Variants in HCN4 observed in about 807,000 individuals in gnomAD.
HCN4 encodes potassium/sodium hyperpolarization-activated cyclic nucleotide-gated channel 4.
In HCN4, 29 loss-of-function variants were observed where a neutral mutation model predicts 76.9. The ratio of observed to expected loss-of-function variants is 0.38; its 90% CI spans 0.28 to 0.51. HCN4 has a LOEUF of 0.51. Ranked by LOEUF, HCN4 falls within the 20% of genes least tolerant of loss-of-function variation. HCN4 has a pLI of 0.90. For missense variants in HCN4, 1,416 were observed against 1,715.2 expected (o/e 0.83, Z 3.08); for synonymous variants, 772 against 762.5 (o/e 1.01, Z -0.21).
At chr15:73,345,118 C>T (rs1463740500) in intron 1 of HCN4, among the ~76,000 whole-genome samples, 1 of 152,168 alleles carries the variant, frequency 6.6e-6, no homozygotes, top group East Asian at 1.9e-4. Context: ...TTCAGAGGGT[C>T]TCACTGTAAA....
At chr15:73,355,808 G>T (rs1235353732) in intron 1 of HCN4, among the ~76,000 whole-genome samples, 1 of 152,094 alleles carries the variant, frequency 6.6e-6, no homozygotes, top group East Asian at 1.9e-4. Flanking sequence ...GGGGACATCT[G>T]CTTCACAGTG....
At position 73,322,899 on chromosome 15, in the gene HCN4, A is replaced by G. The variant is rs2042870582; in HGVS notation, c.3194T>C (p.Val1065Ala). The change falls in exon 8 of 8, where the codon GTC (valine) becomes GCC (alanine). Residue 1065 changes from valine (V) to alanine (A), a missense_variant. By Grantham distance (64) the Val-to-Ala change is moderately conservative. Around this residue, in one of 6 missense-constraint regions of HCN4, gnomAD observed 633 missense variants for 579.8 expected, o/e 1.09. Transcript: ENST00000261917. ...PPASSPPPPQVPQRRGTPPLT... is the reference protein window; with the variant it reads ...PPASSPPPPQAPQRRGTPPLT... ...CGGGGGTGTGCCCCGGCGCTGGGGG[A>G]CCTGGGGTGGTGGGGGGCTGGATGC... 7.1e-7 allele frequency: 1 copy of G among 1,403,626 alleles called. No individual in the cohort carries two copies. Among genetic ancestry groups the G allele is most frequent in the Non-Finnish European group, 9.4e-7 (1 of 1,065,824 alleles). 86.9% of individuals were successfully genotyped at this position (1,403,626 alleles called of 1,614,324 possible). A position where few individuals can be genotyped will look rare whatever the true frequency, so the allele number is the denominator to read the frequency against.
At chr15:73,337,338 G>T (rs2042972782) in intron 2 of HCN4, among the ~76,000 whole-genome samples, 1 of 152,186 alleles carries the variant, frequency 6.6e-6, no homozygotes, top group African/African-American at 2.4e-5. Flanking sequence ...GCACAAGCAG[G>T]CATCAAAAAT....
chr15:73,368,491 C>A lies in HCN4; in HGVS notation c.-221G>T. 2.9e-6 allele frequency: 1 copy of A among 346,674 alleles called. No individual in the cohort carries two copies. The highest frequency in any genetic ancestry group is 5.2e-6 in the Non-Finnish European group (1 of 193,756). The allele number at this position is 346,674 out of a possible 1,614,324, so 21.5% of individuals were successfully genotyped here. ...TCGCCGCGCTACACCTCCTCCCGGG[C>A]CCGGCTGGGCGCGGGGACCCCGCGC... On this transcript the variant is annotated 5_prime_UTR_variant, in exon 1 of 8. Coordinates refer to ENST00000261917, the MANE Select transcript of HCN4 (RefSeq NM_005477.3). The surrounding 1 kb of genome is among the most constrained non-coding windows in gnomAD (Gnocchi z 6.9).
chr15:73,331,134 A>G (rs1027515070), intron 3 of HCN4, among the ~76,000 whole-genome samples: 1 of 152,166 alleles, frequency 6.6e-6, no homozygotes, highest in Non-Finnish European at 1.5e-5. Context: ...AGAGACACAG[A>G]AAGGCTCACA....
chr15:73,326,788 T>TATTTA (rs1555475761), intron 4 of HCN4, among the ~76,000 whole-genome samples: 431 of 150,250 alleles, frequency 2.9e-3, no homozygotes, highest in African/African-American at 9.7e-3. Flanking sequence ...TTTATTTATT[T>TATTTA]ATTTATTTTT....
rs2042894536 is a variant in HCN4, at chr15:73,325,563, T to C, written c.1591-119A>G. ...ACCCCGGGGGATTTCCTGGCTAAAC[T>C]TGGTTCCTTGAGATCTGAGGTCTAC... On this transcript the variant is annotated intron_variant, in intron 4 of 7. Coordinates refer to ENST00000261917, the MANE Select transcript of HCN4 (RefSeq NM_005477.3). The surrounding 1 kb of genome is among the most constrained non-coding windows in gnomAD (Gnocchi z 7.4). 2.9e-6 allele frequency: 3 copies of C among 1,036,116 alleles called. No individual in the cohort carries two copies. The East Asian group carries it at 7.2e-5, about 25-fold the overall frequency. 64.2% of individuals were successfully genotyped at this position (1,036,116 alleles called of 1,614,324 possible).
chr15:73,341,709 G>T (rs977547896), intron 2 of HCN4, among the ~76,000 whole-genome samples: 2 of 152,182 alleles, frequency 1.3e-5, no homozygotes, highest in African/African-American at 4.8e-5. Context: ...TTCTACCAGA[G>T]GTCTAACTGC....
Position 73,367,983 on chromosome 15 carries a change from G to C in HCN4, c.288C>G (p.Phe96Leu), listed in dbSNP as rs1287771387. The stretch of plus-strand genomic sequence containing the variant: ...TGCCCAGCGAGGCCAGGCTCCCGCG[G>C]AAGCGCCTGCAGTCGCCGTTCGTGC... ...KSSTNGDCRRFRGSLASLGSR... is the reference protein window; with the variant it reads ...KSSTNGDCRRLRGSLASLGSR... The change falls in exon 1 of 8, where the codon TTC becomes TTG. Residue 96 changes from phenylalanine to leucine, a missense_variant. Physicochemically the swap from Phe to Leu is conservative, Grantham distance 22. Transcript: ENST00000261917. The surrounding 1 kb of genome is among the most constrained non-coding windows in gnomAD (Gnocchi z 7.5). 7.4e-7 allele frequency: 1 copy of C among 1,347,308 alleles called. No individual in the cohort carries two copies. The highest frequency in any genetic ancestry group is 2.6e-4 in the Middle Eastern group (1 of 3,856). 83.5% of individuals were successfully genotyped at this position (1,347,308 alleles called of 1,614,324 possible). A position where few individuals can be genotyped will look rare whatever the true frequency, so the allele number is the denominator to read the frequency against.
Position 73,343,416 on chromosome 15 carries a change from C to T in HCN4, c.1178G>A (p.Arg393His), listed in dbSNP as rs786205804. ...LSLLRLLRLS[R>H]LIRYIHQWEE... ...CCACTGGTGAATATATCGAATGAGG[C>T]GGGAGAGGCGTAACAGGCGTAAGAG... is the stretch of plus-strand genomic sequence containing the variant. Residue 393 changes from arginine (R) to histidine (H), a missense_variant, in exon 2 of 8, where the codon CGC (arginine) becomes CAC (histidine). Transcript: ENST00000261917. This position sits in a 1 kb window ranked among gnomAD's most constrained non-coding sequence, Gnocchi z 5.7. 2 of 1,614,036 alleles carry T rather than the reference C, an allele frequency of 1.2e-6. No individual in the cohort carries two copies. Among genetic ancestry groups the T allele is most frequent in the Non-Finnish European group, 8.5e-7 (1 of 1,180,010 alleles).
At position 73,343,972 on chromosome 15, in the gene HCN4, C is replaced by T. The variant is rs2151221319; in HGVS notation, c.786-164G>A. Among the ~76,000 whole-genome samples the T allele has an allele frequency of 6.6e-6, 1 of 152,256 alleles. No homozygotes were observed. Among genetic ancestry groups the T allele is most frequent in the Middle Eastern group, 3.4e-3 (1 of 294 alleles). On this transcript the variant is annotated intron_variant, in intron 1 of 7. Transcript: ENST00000261917. This position sits in a 1 kb window ranked among gnomAD's most constrained non-coding sequence, Gnocchi z 5.7. ...CCAGGGCAAGATGTGGAGATTGGCA[C>T]AGGGAATGACACAATAAGAGGCTCT...
Position 73,325,429 on chromosome 15 carries a change from G to A in HCN4, c.1606C>T (p.Gln536Ter). The A allele has an allele frequency of 6.2e-7, 1 of 1,614,100 alleles. No individual in the cohort carries two copies. Among genetic ancestry groups the A allele is most frequent in the Non-Finnish European group, 8.5e-7 (1 of 1,179,968 alleles). Residue 536 changes from glutamine (Q) to a stop codon, truncating the protein, a stop_gained, in exon 5 of 8, where the codon CAG becomes TAG. Transcript: ENST00000261917. LOFTEE classifies it high-confidence loss of function. The surrounding 1 kb of genome is among the most constrained non-coding windows in gnomAD (Gnocchi z 7.4). ...QYQEKYKQVE[Q>*]YMSFHKLPPD... The stretch of plus-strand genomic sequence containing the variant: ...GGGAGCTTGTGAAAGGACATGTACT[G>A]CTCCACCTGCTTGTACTGAGGCCGG...
At chr15:73,336,765 C>T (rs1039976358) in intron 2 of HCN4, among the ~76,000 whole-genome samples, 1 of 152,100 alleles carries the variant, frequency 6.6e-6, no homozygotes, top group African/African-American at 2.4e-5. Flanking sequence ...GATGACAGCC[C>T]CAACCTCTTG....
At position 73,338,015 on chromosome 15, in the gene HCN4, C is replaced by T. The variant is rs535128942; in HGVS notation, c.1209+5370G>A. On this transcript the variant is annotated intron_variant, in intron 2 of 7. Transcript: ENST00000261917. ...CACCACAAAGCTGGAGCGCCAACAA[C>T]GCACAGTCTGAGCTGCCTGGGAAGA... Among the ~76,000 whole-genome samples, 542 of 152,280 alleles carry T rather than the reference C, an allele frequency of 3.6e-3. 7 individuals are homozygous for T. Among genetic ancestry groups the T allele is most frequent in the African/African-American group, 0.012 (510 of 41,548 alleles).
chr15:73,363,641 ATGTC>A (rs2043116367), intron 1 of HCN4, among the ~76,000 whole-genome samples: 1 of 152,148 alleles, frequency 6.6e-6, no homozygotes, highest in African/African-American at 2.4e-5. Flanking sequence ...ATGGAGTAAA[ATGTC>A]TGACCCCAAG....
Position 73,321,564 on chromosome 15 carries a change from A to G in HCN4, c.*917T>C, listed in dbSNP as rs2042858209. On this transcript the variant is annotated 3_prime_UTR_variant, in exon 8 of 8. Coordinates refer to ENST00000261917, the MANE Select transcript of HCN4 (RefSeq NM_005477.3). ...AAGTTCCGCTCACCTCCCACTGTACAGATGGGCAAACTGACGGCCCCAGAG... is the reference window on the plus strand; with the variant it reads ...AAGTTCCGCTCACCTCCCACTGTACGGATGGGCAAACTGACGGCCCCAGAG... 1 of 152,734 alleles carries G rather than the reference A, an allele frequency of 6.5e-6. No individual in the cohort carries two copies. 9.5% of individuals were successfully genotyped at this position (152,734 alleles called of 1,614,324 possible).
intron 1 of HCN4, among the ~76,000 whole-genome samples, chr15:73,354,232 C>T (rs1266264658): frequency 6.6e-6 from 1 of 152,226 alleles, no homozygotes; most frequent in Non-Finnish European, 1.5e-5. Context: ...AATGATGACC[C>T]TTTACCCCTG....
Position 73,325,530 on chromosome 15 carries a change from G to C in HCN4, c.1591-86C>G. The C allele has an allele frequency of 1.5e-6, 2 of 1,365,524 alleles. No individual in the cohort carries two copies. Among genetic ancestry groups the C allele is most frequent in the African/African-American group, 1.4e-5 (1 of 70,202 alleles). 84.6% of individuals were successfully genotyped at this position (1,365,524 alleles called of 1,614,324 possible). On this transcript the variant is annotated intron_variant, in intron 4 of 7. Coordinates refer to ENST00000261917, the MANE Select transcript of HCN4 (RefSeq NM_005477.3). The surrounding 1 kb of genome is among the most constrained non-coding windows in gnomAD (Gnocchi z 7.4). Reference sequence around the variant, plus strand: ...CACCACCTCGGCAGGCACCACATCCGGGCACCCACCCCGGGGGATTTCCTG... The same window carrying C: ...CACCACCTCGGCAGGCACCACATCCCGGCACCCACCCCGGGGGATTTCCTG...
rs1173707688 is a variant in HCN4, at chr15:73,368,562, G to C, written c.-292C>G. On this transcript the variant is annotated 5_prime_UTR_variant, in exon 1 of 8. Coordinates refer to ENST00000261917, the MANE Select transcript of HCN4 (RefSeq NM_005477.3). This position sits in a 1 kb window ranked among gnomAD's most constrained non-coding sequence, Gnocchi z 6.9. ...TCCCTCTGGCGTTCAGGGGCGCGGCGCGCCGCCCGGCTCCAGGCGCCCCGC... is the reference window on the plus strand; with the variant it reads ...TCCCTCTGGCGTTCAGGGGCGCGGCCCGCCGCCCGGCTCCAGGCGCCCCGC... The C allele has an allele frequency of 4.3e-6, 1 of 231,110 alleles. No homozygotes were observed. The highest frequency in any genetic ancestry group is 2.3e-5 in the African/African-American group (1 of 43,868). The allele number at this position is 231,110 out of a possible 1,614,324, so 14.3% of individuals were successfully genotyped here.
Sources: allele counts gnomAD v4.1 joint callset (sites outside exome capture counted in the v4.1 genomes callset), GRCh38; gene constraint gnomAD v4.1.1; regional missense constraint gnomAD v4.1.1; non-coding constraint Gnocchi (gnomAD v3.1); transcripts MANE v1.5; gene names NCBI Gene and HGNC (gene_info 2026-07-23, HGNC 2026-07-21).